The following ATRNL1 variants were observed in gnomAD, a reference collection of about 807,000 sequenced individuals.
ATRNL1 encodes the protein attractin-like protein 1.
A neutral mutation model predicts 182.7 loss-of-function variants in ATRNL1; 95 were observed. That is an observed-to-expected ratio of 0.52 (90% CI 0.44 to 0.62). The LOEUF (loss-of-function observed/expected upper bound fraction) is 0.62. Ranked by LOEUF, ATRNL1 falls within the 20% of genes least tolerant of loss-of-function variation. The pLI is 0.00. For missense variants in ATRNL1, 1,471 were observed against 1,679.5 expected (o/e 0.88, Z 2.17); for synonymous variants, 576 against 568.3 (o/e 1.01, Z -0.19).
At position 115,559,439 on chromosome 10, in the gene ATRNL1, T is replaced by TGC. The variant is rs1195397943; in HGVS notation, c.3795+9904_3795+9905insCG. 1.3e-4 allele frequency among the ~76,000 whole-genome samples: 10 copies of TGC among 78,546 alleles called. No individual in the cohort carries two copies. The East Asian group carries it at 1.9e-3, about 15-fold the overall frequency. 51.5% of individuals were successfully genotyped at this position (78,546 alleles called of 152,430 possible). A position where few individuals can be genotyped will look rare whatever the true frequency, so the allele number is the denominator to read the frequency against. On this transcript the variant is annotated intron_variant, in intron 26 of 28. Transcript: ENST00000355044. ...TTGTGTGTGTGTGTGTGTGTGTGTG[T>TGC]GTGTGCGCGCGCGCACGCACGCACA...
chr10:115,429,318 T>G (rs1592644525), intron 21 of ATRNL1, among the ~76,000 whole-genome samples: 1 of 152,268 alleles, frequency 6.6e-6, no homozygotes, highest in East Asian at 1.9e-4. Flanking sequence ...TTTGCTTGGA[T>G]TTTTAAATGC....
At chr10:115,382,797 G>A (rs894851262) in intron 19 of ATRNL1, among the ~76,000 whole-genome samples, 1 of 151,104 alleles carries the variant, frequency 6.6e-6, no homozygotes. Flanking sequence ...CCTGATTGCA[G>A]TGGGAGAAAA....
At chr10:115,651,526 T>A (rs1382637189) in intron 26 of ATRNL1, among the ~76,000 whole-genome samples, 3 of 152,206 alleles carry the variant, frequency 2.0e-5, no homozygotes, top group African/African-American at 7.2e-5. Context: ...TTAATCACGA[T>A]GTATCTATAT....
chr10:115,665,067 G>A lies in ATRNL1; in HGVS notation c.3796-62181G>A, dbSNP rs373839965. Among the ~76,000 whole-genome samples, 9 of 152,226 alleles carry A rather than the reference G, an allele frequency of 5.9e-5. 1 individual carries two copies. The highest frequency in any genetic ancestry group is 1.9e-4 in the African/African-American group (8 of 41,574). ...GCCACTGAAACTGAAGACCAGATGGGAAAACATCTAATGGTTTCTCATTAA... is the reference window on the plus strand; with the variant it reads ...GCCACTGAAACTGAAGACCAGATGGAAAAACATCTAATGGTTTCTCATTAA... On this transcript the variant is annotated intron_variant, in intron 26 of 28. Coordinates refer to ENST00000355044, the MANE Select transcript of ATRNL1 (RefSeq NM_207303.4).
intron 26 of ATRNL1, among the ~76,000 whole-genome samples, chr10:115,613,936 A>T (rs114367416): frequency 0.012 from 1,774 of 151,450 alleles, 31 homozygotes; most frequent in African/African-American, 0.041. Context: ...CTAATAATTT[A>T]TTGACTTATG....
chr10:115,600,929 C>CT (rs58476140), intron 26 of ATRNL1, among the ~76,000 whole-genome samples: 12 of 129,860 alleles, frequency 9.2e-5, no homozygotes, highest in African/African-American at 3.2e-4. Context: ...TTTTTATTTT[C>CT]TTTTTTTTTT....
chr10:115,871,808 C>A (rs540407943), intron 28 of ATRNL1, among the ~76,000 whole-genome samples: 1 of 152,148 alleles, frequency 6.6e-6, no homozygotes, highest in South Asian at 2.1e-4. Context: ...AAAAGAAGAA[C>A]CCTAATTAAA....
At chr10:115,320,661 T>A (rs1554931147) in intron 18 of ATRNL1, among the ~76,000 whole-genome samples, 1 of 152,204 alleles carries the variant, frequency 6.6e-6, no homozygotes, top group African/African-American at 2.4e-5. Context: ...CTCTTAGATT[T>A]TTTCTTCCAC....
intron 19 of ATRNL1, among the ~76,000 whole-genome samples, chr10:115,350,651 C>CT (rs1198688971): frequency 1.3e-5 from 2 of 152,086 alleles, no homozygotes; most frequent in Non-Finnish European, 2.9e-5. Flanking sequence ...CAGTATCATG[C>CT]TGTTTTGTTT....
At chr10:115,225,364 G>A (rs1290225927) in intron 9 of ATRNL1, among the ~76,000 whole-genome samples, 1 of 151,378 alleles carries the variant, frequency 6.6e-6, no homozygotes, top group African/African-American at 2.4e-5. Flanking sequence ...AAGCATTATG[G>A]TGAAATAGAG....
intron 20 of ATRNL1, among the ~76,000 whole-genome samples, chr10:115,402,890 A>T (rs896273066): frequency 2.0e-5 from 3 of 152,148 alleles, no homozygotes; most frequent in Non-Finnish European, 4.4e-5. Flanking sequence ...TATGGTGACT[A>T]AACTCCTGGG....
chr10:115,587,894 C>A (rs1478738482), intron 26 of ATRNL1, among the ~76,000 whole-genome samples: 4 of 149,048 alleles, frequency 2.7e-5, no homozygotes, highest in African/African-American at 9.8e-5. Flanking sequence ...ACAAATAGAA[C>A]AGAAGTAGTA....
chr10:115,505,010 C>A (rs1161004187), intron 24 of ATRNL1, among the ~76,000 whole-genome samples: 1 of 151,904 alleles, frequency 6.6e-6, no homozygotes, highest in Non-Finnish European at 1.5e-5. Flanking sequence ...CTTAAATTTG[C>A]ATATTAAAGG....
intron 27 of ATRNL1, among the ~76,000 whole-genome samples, chr10:115,735,208 A>G (rs1052223554): frequency 6.6e-6 from 1 of 152,182 alleles, no homozygotes; most frequent in Non-Finnish European, 1.5e-5. Flanking sequence ...CCTTTAGCAT[A>G]TGTCTTTTGA....
chr10:115,475,553 T>C (rs1475317576), intron 24 of ATRNL1, among the ~76,000 whole-genome samples: 41 of 151,550 alleles, frequency 2.7e-4, no homozygotes, highest in Non-Finnish European at 1.2e-4. Flanking sequence ...TGCATTTGTC[T>C]TTCCCATATT....
intron 24 of ATRNL1, among the ~76,000 whole-genome samples, chr10:115,492,432 C>A (rs1427918810): frequency 1.3e-5 from 2 of 151,806 alleles, no homozygotes; most frequent in Non-Finnish European, 2.9e-5. Context: ...CATATTCTTG[C>A]ATCATTAATG....
intron 25 of ATRNL1, among the ~76,000 whole-genome samples, chr10:115,530,194 A>C (rs2133742315): frequency 6.6e-6 from 1 of 152,240 alleles, no homozygotes; most frequent in Middle Eastern, 3.4e-3. Flanking sequence ...ATTTGTGTGT[A>C]AGTTTTTATG....
chr10:115,099,569 A>G (rs1554864083), intron 1 of ATRNL1, among the ~76,000 whole-genome samples: 3 of 152,190 alleles, frequency 2.0e-5, no homozygotes, highest in Admixed American at 6.5e-5. Flanking sequence ...TCAGTGTTCT[A>G]TCTAGTTAAT....
intron 9 of ATRNL1, among the ~76,000 whole-genome samples, chr10:115,226,836 C>G (rs55801937): frequency 1.6e-3 from 236 of 152,164 alleles, no homozygotes; most frequent in African/African-American, 5.5e-3. Flanking sequence ...GGAAAGGACT[C>G]CCTATTCAAT....
Sources: gnomAD v4.1 joint callset for allele counts (sites outside exome capture counted in the v4.1 genomes callset) on GRCh38, gnomAD v4.1.1 for gene constraint, MANE v1.5 for transcripts, NCBI Gene and HGNC (gene_info 2026-07-23, HGNC 2026-07-21) for gene names.